ANO3: variants seen among roughly 807,000 people sequenced by gnomAD.
ANO3 encodes the protein anoctamin-3.
ANO3 carries 99 observed loss-of-function variants against 144.8 expected under a neutral mutation model. The ratio of observed to expected loss-of-function variants is 0.68; its 90% CI spans 0.58 to 0.81. The LOEUF (loss-of-function observed/expected upper bound fraction) is 0.81. Ranked by LOEUF, ANO3 falls within the 30% of genes least tolerant of loss-of-function variation. ANO3 has a pLI of 0.00. For synonymous variants in ANO3, 414 were observed against 392.6 expected (o/e 1.05, Z -0.64); for missense variants, 905 against 1,202.2 (o/e 0.75, Z 3.66).
chr11:26,612,497 T>C (rs143706657), intron 17 of ANO3, among the ~76,000 whole-genome samples: 121 of 150,670 alleles, frequency 8.0e-4, no homozygotes, highest in African/African-American at 2.9e-3. Context: ...ATTATTTGAA[T>C]TTAAACCTTT....
chr11:26,599,638 T>G lies in ANO3; in HGVS notation c.1760T>G (p.Ile587Ser). 1 of 1,614,150 alleles carries G rather than the reference T, an allele frequency of 6.2e-7. No homozygotes were observed. The highest frequency in any genetic ancestry group is 8.5e-7 in the Non-Finnish European group (1 of 1,180,012). ...EQFASFKWNF[I>S]KQYWQFATSA... Reference sequence around the variant, plus strand: ...TTTGCATCATTCAAGTGGAATTTCATCAAACAATACTGGCAGTTTGCAACA... The same window carrying G: ...TTTGCATCATTCAAGTGGAATTTCAGCAAACAATACTGGCAGTTTGCAACA... Residue 587 changes from isoleucine to serine, a missense_variant, in exon 17 of 27, where the codon ATC becomes AGC. Coordinates refer to ENST00000256737, the MANE Select transcript of ANO3 (RefSeq NM_031418.4).
chr11:26,487,905 C>T (rs541992767), intron 4 of ANO3, among the ~76,000 whole-genome samples: 208 of 152,286 alleles, frequency 1.4e-3, no homozygotes, highest in African/African-American at 4.7e-3. Context: ...CAGTAGCTCA[C>T]GCCTGTAATC....
chr11:26,451,677 C>T (rs1387031766), intron 3 of ANO3, among the ~76,000 whole-genome samples: 2 of 152,210 alleles, frequency 1.3e-5, no homozygotes, highest in Admixed American at 6.5e-5. Context: ...AACAAAAAGA[C>T]AGCAGTAACC....
At chr11:26,571,842 G>T (rs1850839763) in intron 14 of ANO3, among the ~76,000 whole-genome samples, 1 of 152,096 alleles carries the variant, frequency 6.6e-6, no homozygotes, top group Admixed American at 6.6e-5. Context: ...ACTCATTTAG[G>T]AGTGCAAATA....
At chr11:26,450,833 C>A (rs116589029) in intron 3 of ANO3, among the ~76,000 whole-genome samples, 1 of 151,940 alleles carries the variant, frequency 6.6e-6, no homozygotes, top group East Asian at 1.9e-4. Context: ...TGCAATGTAA[C>A]GGAGTAACAA....
At chr11:26,547,362 G>A in intron 11 of ANO3, 54 bp from the exon 12 acceptor site, 1 of 1,560,624 alleles carries the variant, frequency 6.4e-7, no homozygotes, top group Non-Finnish European at 8.8e-7. Flanking sequence ...ATCAATATTT[G>A]TAATATTGCT....
In ANO3 at chr11:26,651,057, A is replaced by AT. The variant is rs557275417; in HGVS notation, c.2576+3209dup. On this transcript the variant is annotated intron_variant, in intron 24 of 26. Coordinates refer to ENST00000256737, the MANE Select transcript of ANO3 (RefSeq NM_031418.4). The stretch of plus-strand genomic sequence containing the variant: ...CCACTTTGAGCCTAAAAGCTTCCCA[A>AT]TTTTTTTTCTGATAAAAATAAATGG... 4.6e-4 allele frequency among the ~76,000 whole-genome samples: 70 copies of AT among 152,040 alleles called. 1 individual carries two copies. In the South Asian group the frequency reaches 0.011, roughly 24 times the overall value.
At chr11:26,376,261 G>T (rs1856403377) in intron 1 of ANO3, among the ~76,000 whole-genome samples, 1 of 151,982 alleles carries the variant, frequency 6.6e-6, no homozygotes, top group African/African-American at 2.4e-5. Flanking sequence ...TTATGAAGTT[G>T]CTTTTAGTTT....
intron 1 of ANO3, among the ~76,000 whole-genome samples, chr11:26,391,971 T>A (rs1856892152): frequency 2.9e-5 from 1 of 34,716 alleles, no homozygotes; most frequent in Non-Finnish European, 5.3e-5. Context: ...TTCTGCTGTG[T>A]CCAAAAAATG....
rs545075355 is a variant in ANO3 at position 26,645,067 on chromosome 11, T to C, written c.2428+1733T>C. 4.6e-5 allele frequency among the ~76,000 whole-genome samples: 7 copies of C among 152,262 alleles called. No individual in the cohort carries two copies. In the South Asian group the frequency reaches 1.5e-3, roughly 32 times the overall value. ...GATTTTTCACCTGTTGTATTTATTGTTGTTTCATTATTTAGATATGTCTGT... is the reference window on the plus strand; with the variant it reads ...GATTTTTCACCTGTTGTATTTATTGCTGTTTCATTATTTAGATATGTCTGT... On this transcript the variant is annotated intron_variant, in intron 23 of 26. Coordinates refer to ENST00000256737, the MANE Select transcript of ANO3 (RefSeq NM_031418.4).
At chr11:26,272,289 G>A (rs376057084) in intron 1 of ANO3, among the ~76,000 whole-genome samples, 32 of 151,784 alleles carry the variant, frequency 2.1e-4, no homozygotes, top group African/African-American at 7.0e-4. Flanking sequence ...TGCTTGATAC[G>A]TACCATAGAT....
At chr11:26,574,807 A>C (rs1284325978) in intron 14 of ANO3, among the ~76,000 whole-genome samples, 3 of 152,118 alleles carry the variant, frequency 2.0e-5, no homozygotes, top group Non-Finnish European at 2.9e-5. Context: ...CTTTTTGGAA[A>C]GGTCAAATAT....
At chr11:26,332,104 C>A, upstream of ANO3, 1 of 1,485,092 alleles carries the variant, frequency 6.7e-7, no homozygotes, top group Non-Finnish European at 8.9e-7. Context: ...GTTCCCATGA[C>A]AACGACACCG....
intron 10 of ANO3, 148 bp from the exon 11 acceptor site, chr11:26,541,799 C>T (rs1849651750): frequency 3.5e-6 from 2 of 573,972 alleles, no homozygotes; most frequent in Admixed American, 7.3e-5. Flanking sequence ...AGGCATCCAT[C>T]ACATCATTCC....
chr11:26,441,393 AGGCGTGAGCCACTGCGCCCGGCCTGCTGC>A (rs1005327980), intron 1 of ANO3, among the ~76,000 whole-genome samples: 2 of 151,970 alleles, frequency 1.3e-5, no homozygotes, highest in Admixed American at 6.6e-5. Context: ...CTGGGATTAC[AGGCGTGAGCCACTGCGCCCGGCCTGCTGC>A]CCAGTTTTTA....
In ANO3 at chr11:26,375,466, G is replaced by A. The variant is rs1016151322; in HGVS notation, c.46+43145G>A. On this transcript the variant is annotated intron_variant, in intron 1 of 26. Coordinates refer to ENST00000256737, the MANE Select transcript of ANO3 (RefSeq NM_031418.4). ...AAATTTATTCATCTACAAATAATAA[G>A]TTCTCAATAAATATTTGGCATTTGG... 4.6e-5 allele frequency among the ~76,000 whole-genome samples: 7 copies of A among 152,268 alleles called. 1 individual carries two copies. The highest frequency in any genetic ancestry group is 4.6e-4 in the Admixed American group (7 of 15,290).
chr11:26,561,503 C>A (rs1850290762), intron 14 of ANO3, among the ~76,000 whole-genome samples: 3 of 151,930 alleles, frequency 2.0e-5, no homozygotes, highest in Non-Finnish European at 2.9e-5. Context: ...CAATACCTTG[C>A]ATAAAGAAGT....
chr11:26,307,140 G>A (rs897913636), upstream of ANO3, among the ~76,000 whole-genome samples: 2 of 150,594 alleles, frequency 1.3e-5, no homozygotes, highest in Non-Finnish European at 3.0e-5. Context: ...CGGATCACGA[G>A]GTCAGGAGTT....
intron 1 of ANO3, among the ~76,000 whole-genome samples, chr11:26,267,581 A>G (rs1853343440): frequency 6.6e-6 from 1 of 152,236 alleles, no homozygotes; most frequent in Non-Finnish European, 1.5e-5. Flanking sequence ...AAATATCACT[A>G]TCAGCTAAGA....
Sources: allele counts gnomAD v4.1 joint callset (sites outside exome capture counted in the v4.1 genomes callset), GRCh38; gene constraint gnomAD v4.1.1; transcripts MANE v1.5; gene names NCBI Gene and HGNC (gene_info 2026-07-23, HGNC 2026-07-21).